The following SCUBE2 variants were observed in gnomAD, a reference collection of about 807,000 sequenced individuals.
The protein encoded by SCUBE2 is signal peptide, CUB and EGF-like domain-containing protein 2.
A neutral mutation model predicts 125.9 loss-of-function variants in SCUBE2; 114 were observed. The observed-to-expected ratio is 0.91, with a 90% confidence interval of 0.78 to 1.06. The LOEUF (loss-of-function observed/expected upper bound fraction) is 1.06, where lower values mean the gene tolerates loss of function less well. Ranked by LOEUF, SCUBE2 falls within the 50% of genes least tolerant of loss-of-function variation. The pLI, the probability that SCUBE2 is intolerant of heterozygous loss-of-function variation, is 0.00. For synonymous variants in SCUBE2, 459 were observed against 492.9 expected (o/e 0.93, Z 0.91); for missense variants, 1,255 against 1,301.8 (o/e 0.96, Z 0.55).
chr11:9,060,596 G>T, intron 7 of SCUBE2, 72 bp from the exon 8 acceptor site: 2 of 1,283,420 alleles, frequency 1.6e-6, no homozygotes, highest in Non-Finnish European at 2.2e-6. Flanking sequence ...GGTCACAGAA[G>T]CCAAGAAGCA....
intron 2 of SCUBE2, among the ~76,000 whole-genome samples, chr11:9,080,056 C>G (rs539677822): frequency 1.3e-5 from 2 of 152,158 alleles, no homozygotes; most frequent in African/African-American, 4.8e-5. Flanking sequence ...TATAAACCTA[C>G]AGTTATCAAG....
chr11:9,028,688 T>A (rs1856005640), intron 19 of SCUBE2, among the ~76,000 whole-genome samples: 1 of 152,142 alleles, frequency 6.6e-6, no homozygotes, highest in African/African-American at 2.4e-5. Context: ...AGGCTTTTCT[T>A]CTTGGAAGAA....
chr11:9,074,561 AC>A lies in SCUBE2; in HGVS notation c.436del (p.Val146SerfsTer15), dbSNP rs750482131. The A allele has an allele frequency of 6.2e-7, 1 of 1,614,158 alleles. No individual in the cohort carries two copies. The highest frequency in any genetic ancestry group is 8.5e-7 in the Non-Finnish European group (1 of 1,180,026). On this transcript the variant is annotated frameshift_variant, in exon 4 of 23. Transcript: ENST00000649792. LOFTEE classifies it high-confidence loss of function. Reference protein sequence around the residue: ...NGGCQHTCVNVMGSYECCCKE... With the variant: ...NGGCQHTCVNXMGSYECCCKE... ...GCAGCAGCACTCATAGCTCCCCATG[AC>A]GTTGACACAGGTATGCTGGCAGCCG...
At chr11:9,082,060 T>A (rs1861683743) in intron 2 of SCUBE2, among the ~76,000 whole-genome samples, 1 of 152,244 alleles carries the variant, frequency 6.6e-6, no homozygotes, top group African/African-American at 2.4e-5. Context: ...CATTTGTAGT[T>A]TTGATTTGCG....
chr11:9,030,224 C>T, intron 18 of SCUBE2, 179 bp from the exon 19 acceptor site: 1 of 646,116 alleles, frequency 1.5e-6, no homozygotes, highest in South Asian at 2.0e-5. Flanking sequence ...GGATGGGGCT[C>T]ATGAAATAGA....
Position 9,089,607 on chromosome 11 carries a change from G to C in SCUBE2, c.256+100C>G. On this transcript the variant is annotated intron_variant, in intron 2 of 22. Coordinates refer to ENST00000649792, the MANE Select transcript of SCUBE2 (RefSeq NM_001367977.2). Reference sequence around the variant, plus strand: ...TGATTCAGGGGCTGGGGGAAAGGGAGAGGAGGGGCAGTACTTTTACCAACA... The same window carrying C: ...TGATTCAGGGGCTGGGGGAAAGGGACAGGAGGGGCAGTACTTTTACCAACA... 3.0e-6 allele frequency: 4 copies of C among 1,332,384 alleles called. No homozygotes were observed. In the South Asian group the frequency reaches 4.3e-5, roughly 14 times the overall value. 82.5% of individuals were successfully genotyped at this position (1,332,384 alleles called of 1,614,324 possible).
intron 16 of SCUBE2, 130 bp from the exon 17 acceptor site, chr11:9,033,926 G>A (rs2079809431): frequency 8.3e-6 from 7 of 842,568 alleles, no homozygotes; most frequent in Admixed American, 4.4e-5. Flanking sequence ...CCCTGAATAC[G>A]CAGTGTGCCC....
In SCUBE2 at chr11:9,033,610, C is replaced by T. The variant is rs149535271; in HGVS notation, c.2173+16G>A. The T allele has an allele frequency of 1.9e-6, 3 of 1,610,812 alleles. No individual in the cohort carries two copies. The highest frequency in any genetic ancestry group is 3.3e-5 in the Admixed American group (2 of 59,766). On this transcript the variant is annotated intron_variant, in intron 17 of 22. Transcript: ENST00000649792. The stretch of plus-strand genomic sequence containing the variant: ...CAGAGATGGGAGGAGTAGGAAGGAA[C>T]AGACAGCATCCTTACCTCCACATTC...
Position 9,066,760 on chromosome 11 carries a change from C to G in SCUBE2, c.697G>C (p.Asp233His). The change falls in exon 6 of 23, where the codon GAT (aspartate) becomes CAT (histidine). Residue 233 changes from aspartate to histidine, a missense_variant. Asp to His is a moderately conservative substitution (Grantham distance 81). This residue lies in a region of SCUBE2 where 362 missense variants were observed against 323.0 expected (regional missense o/e 1.12). Coordinates refer to ENST00000649792, the MANE Select transcript of SCUBE2 (RefSeq NM_001367977.2). The part of the protein sequence containing the change: ...GCQHSCDDTA[D>H]GPECSCHPQY... The stretch of plus-strand genomic sequence containing the variant: ...GGATGGCAGCTGCACTCTGGGCCAT[C>G]GGCTGTATCGTCACAGGAGTGCTGG... The G allele has an allele frequency of 6.2e-7, 1 of 1,614,128 alleles. No individual in the cohort carries two copies. Among genetic ancestry groups the G allele is most frequent in the South Asian group, 1.1e-5 (1 of 91,050 alleles).
intron 17 of SCUBE2, 34 bp from the exon 18 acceptor site, chr11:9,030,959 C>T (rs1856251792): frequency 1.9e-6 from 3 of 1,591,236 alleles, no homozygotes; most frequent in African/African-American, 1.3e-5. Flanking sequence ...TGAGCAAGGC[C>T]TCCAGGCAGA....
At chr11:9,021,770 T>C (rs933834638) in intron 22 of SCUBE2, 106 bp downstream of exon 22, 3 of 826,236 alleles carry the variant, frequency 3.6e-6, no homozygotes, top group Non-Finnish European at 6.2e-6. Context: ...CAGGACAGGC[T>C]CCGTGTCTGA....
intron 19 of SCUBE2, among the ~76,000 whole-genome samples, chr11:9,029,324 C>A (rs990170305): frequency 1.3e-5 from 2 of 152,334 alleles, no homozygotes; most frequent in South Asian, 4.1e-4. Flanking sequence ...GGGTCTCCTC[C>A]CAAAAGGCCT....
intron 19 of SCUBE2, among the ~76,000 whole-genome samples, chr11:9,029,471 A>G (rs1332222717): frequency 6.6e-6 from 1 of 152,232 alleles, no homozygotes; most frequent in Admixed American, 6.5e-5. Context: ...GACAGAGTCA[A>G]TCGCTCCTTC....
rs900621426 is a variant in SCUBE2 at position 9,047,477 on chromosome 11, C to G, written c.1881G>C (p.Arg627Ser). The change falls in exon 16 of 23, where the codon AGG (arginine) becomes AGC (serine). Residue 627 changes from arginine (R) to serine (S), a missense_variant. Coordinates refer to ENST00000649792, the MANE Select transcript of SCUBE2 (RefSeq NM_001367977.2). ...AIRTLRKAVH[R>S]EQFHLQLSGM... is the part of the protein sequence containing the mutation. Reference sequence around the variant, plus strand: ...CTGAGAGCTGGAGGTGAAACTGCTCCCTGTGGACGGCCTTTCTGAGCGTGC... The same window carrying G: ...CTGAGAGCTGGAGGTGAAACTGCTCGCTGTGGACGGCCTTTCTGAGCGTGC... The G allele has an allele frequency of 5.0e-6, 8 of 1,613,838 alleles. No individual in the cohort carries two copies. The African/African-American group carries it at 9.4e-5, about 19-fold the overall frequency.
At chr11:9,046,895 T>C (rs1484905830) in intron 16 of SCUBE2, among the ~76,000 whole-genome samples, 1 of 152,182 alleles carries the variant, frequency 6.6e-6, no homozygotes, top group Admixed American at 6.5e-5. Context: ...GGATTCAGCT[T>C]TGCTTACTTA....
chr11:9,052,851 A>G lies in SCUBE2; in HGVS notation c.1448-19T>C. 1.3e-6 allele frequency: 2 copies of G among 1,521,996 alleles called. No individual in the cohort carries two copies. The highest frequency in any genetic ancestry group is 1.4e-5 in the African/African-American group (1 of 72,826). 94.3% of individuals were successfully genotyped at this position (1,521,996 alleles called of 1,614,324 possible). On this transcript the variant is annotated intron_variant, in intron 12 of 22. Transcript: ENST00000649792. The stretch of plus-strand genomic sequence containing the variant: ...TGCAGTCCTGACAGACAGAATGTCA[A>G]TTGTCAAATGCATAAGCAAGGTCAC...
Position 9,079,895 on chromosome 11 carries a change from TAAG to T in SCUBE2, c.257-389_257-387del, listed in dbSNP as rs545422939. On this transcript the variant is annotated intron_variant, in intron 2 of 22. Coordinates refer to ENST00000649792, the MANE Select transcript of SCUBE2 (RefSeq NM_001367977.2). ...TAATACGTTATCTTCATGTAAGAAA[TAAG>T]AAGATATAAAAACACACACAAAATT... Among the ~76,000 whole-genome samples, 658 of 152,188 alleles carry T rather than the reference TAAG, an allele frequency of 4.3e-3. 8 individuals carry two copies. The highest frequency in any genetic ancestry group is 3.7e-3 in the Non-Finnish European group (254 of 67,990).
chr11:9,091,330 G>T lies in SCUBE2; in HGVS notation c.133+66C>A, dbSNP rs1862704966. On this transcript the variant is annotated intron_variant, in intron 1 of 22. Coordinates refer to ENST00000649792, the MANE Select transcript of SCUBE2 (RefSeq NM_001367977.2). The surrounding 1 kb of genome is among the most constrained non-coding windows in gnomAD (Gnocchi z 8.5). ...GCGCGCCCGGCTCTGGACTCCGCCGGGGACCTAAACACTCTTCCTGGCCCT... is the reference window on the plus strand; with the variant it reads ...GCGCGCCCGGCTCTGGACTCCGCCGTGGACCTAAACACTCTTCCTGGCCCT... The T allele has an allele frequency of 6.0e-6, 7 of 1,160,416 alleles. No homozygotes were observed. The highest frequency in any genetic ancestry group is 1.6e-5 in the African/African-American group (1 of 61,934). The allele number at this position is 1,160,416 out of a possible 1,614,324, so 71.9% of individuals were successfully genotyped here.
intron 13 of SCUBE2, among the ~76,000 whole-genome samples, chr11:9,051,873 T>C (rs1045345235): frequency 2.0e-5 from 3 of 152,194 alleles, no homozygotes; most frequent in African/African-American, 7.2e-5. Context: ...ACTGAGGGAT[T>C]TGGCGAAACA....
Sources: allele counts gnomAD v4.1 joint callset (sites outside exome capture counted in the v4.1 genomes callset), GRCh38; gene constraint gnomAD v4.1.1; regional missense constraint gnomAD v4.1.1; non-coding constraint Gnocchi (gnomAD v3.1); transcripts MANE v1.5; gene names NCBI Gene and HGNC (gene_info 2026-07-23, HGNC 2026-07-21).